PHACTR1: variants seen among roughly 807,000 people sequenced by gnomAD.
PHACTR1 encodes the protein RPEL repeat containing 1.
Under a neutral mutation model 69.2 loss-of-function variants are expected in PHACTR1, and 16 were observed. That is an observed-to-expected ratio of 0.23 (90% confidence interval 0.16 to 0.35). PHACTR1 has a LOEUF of 0.35. Ranked by LOEUF, PHACTR1 falls within the 10% of genes least tolerant of loss-of-function variation. PHACTR1 has a pLI of 1.00. For missense variants in PHACTR1, 510 were observed against 734.7 expected, an observed-to-expected ratio of 0.69 and a Z score of 3.54; for synonymous variants, 312 against 284.5, an observed-to-expected ratio of 1.10 and a Z score of -0.97.
intron 4 of PHACTR1, among the ~76,000 whole-genome samples, chr6:12,925,992 T>G (rs894204882): frequency 6.6e-6 from 1 of 152,186 alleles, no homozygotes; most frequent in Non-Finnish European, 1.5e-5. Flanking sequence ...TCTCTGAAAA[T>G]AGTCTATATT....
Position 13,283,201 on chromosome 6 carries a change from C to A in PHACTR1, c.1510-221C>A. On this transcript the variant is annotated intron_variant, in intron 12 of 14. Transcript: ENST00000332995. The surrounding 1 kb of genome is among the most constrained non-coding windows in gnomAD (Gnocchi z 4.7). Reference sequence around the variant, plus strand: ...GGCCTAGAGGGTATGTAAGGGATAACAAAGCTCTCTCTTAGGACCTAGAAA... The same window carrying A: ...GGCCTAGAGGGTATGTAAGGGATAAAAAAGCTCTCTCTTAGGACCTAGAAA... 2.0e-6 allele frequency: 1 copy of A among 490,922 alleles called. No individual in the cohort carries two copies. The highest frequency in any genetic ancestry group is 5.6e-4 in the Middle Eastern group (1 of 1,790). The allele number at this position is 490,922 out of a possible 1,614,324, so 30.4% of individuals were successfully genotyped here. A position where few individuals can be genotyped will look rare whatever the true frequency, so the allele number is the denominator to read the frequency against.
chr6:12,915,508 AAAAAAAAAAAAAG>A (rs1224338048), intron 4 of PHACTR1, among the ~76,000 whole-genome samples: 5 of 146,762 alleles, frequency 3.4e-5, no homozygotes, highest in Admixed American at 2.0e-4. Context: ...CTCTCTCTCA[AAAAAAAAAAAAAG>A]AAAAAAAAAA....
chr6:13,159,957 C>G (rs1193944846), intron 5 of PHACTR1, among the ~76,000 whole-genome samples: 1 of 151,882 alleles, frequency 6.6e-6, no homozygotes, highest in East Asian at 1.9e-4. Context: ...AAAAAGAATG[C>G]CTACCCTGTC....
chr6:12,815,278 T>C (rs538026077), intron 4 of PHACTR1, among the ~76,000 whole-genome samples: 29 of 152,316 alleles, frequency 1.9e-4, no homozygotes, highest in African/African-American at 6.7e-4. Flanking sequence ...TGTATTTCTT[T>C]TCCCTGTATT....
intron 4 of PHACTR1, among the ~76,000 whole-genome samples, chr6:12,963,463 A>C (rs1309313339): frequency 3.3e-5 from 5 of 152,204 alleles, no homozygotes; most frequent in East Asian, 1.9e-4. Flanking sequence ...TTAAAAAAAA[A>C]AAACAAACCA....
intron 5 of PHACTR1, among the ~76,000 whole-genome samples, chr6:13,154,189 G>C (rs1165316719): frequency 6.6e-6 from 1 of 152,046 alleles, no homozygotes; most frequent in Non-Finnish European, 1.5e-5. Context: ...TTTTGAGATG[G>C]AGTCTCACTC....
intron 4 of PHACTR1, among the ~76,000 whole-genome samples, chr6:13,013,080 G>T (rs973300693): frequency 6.6e-6 from 1 of 152,156 alleles, no homozygotes; most frequent in Non-Finnish European, 1.5e-5. Flanking sequence ...TTAAAGAAAA[G>T]ACCCTGTTCT....
intron 4 of PHACTR1, among the ~76,000 whole-genome samples, chr6:12,814,126 C>T (rs1214045630): frequency 1.3e-5 from 2 of 152,178 alleles, no homozygotes; most frequent in Non-Finnish European, 2.9e-5. Flanking sequence ...TCTCTCATGT[C>T]CCCTAAGGAA....
intron 4 of PHACTR1, among the ~76,000 whole-genome samples, chr6:12,858,173 A>T (rs549682641): frequency 6.6e-6 from 1 of 152,108 alleles, no homozygotes; most frequent in African/African-American, 2.4e-5. Flanking sequence ...CCTTTAAGGG[A>T]CCTCACGAGG....
At chr6:12,999,355 T>G (rs956587198) in intron 4 of PHACTR1, among the ~76,000 whole-genome samples, 1 of 152,154 alleles carries the variant, frequency 6.6e-6, no homozygotes, top group Non-Finnish European at 1.5e-5. Context: ...ATCCCAGCAC[T>G]TTGGGAGGCC....
chr6:13,007,803 C>T (rs751614983), intron 4 of PHACTR1, among the ~76,000 whole-genome samples: 14 of 151,916 alleles, frequency 9.2e-5, no homozygotes, highest in Non-Finnish European at 1.8e-4. Context: ...AGTTCTCCTT[C>T]AATCACCTCT....
At chr6:13,184,131 C>T (rs1034927720) in intron 7 of PHACTR1, among the ~76,000 whole-genome samples, 1 of 152,228 alleles carries the variant, frequency 6.6e-6, no homozygotes, top group Non-Finnish European at 1.5e-5. Flanking sequence ...GTTGCTAAAA[C>T]TACAGAATTT....
At chr6:12,906,252 G>A (rs1245536387) in intron 4 of PHACTR1, among the ~76,000 whole-genome samples, 6 of 152,172 alleles carry the variant, frequency 3.9e-5, no homozygotes, top group South Asian at 2.1e-4. Flanking sequence ...AGGGATTTGG[G>A]AGGGATATCA....
At chr6:13,052,978 T>C (rs1037167592) in intron 4 of PHACTR1, among the ~76,000 whole-genome samples, 5 of 152,220 alleles carry the variant, frequency 3.3e-5, no homozygotes, top group Non-Finnish European at 7.3e-5. Context: ...GACAGTGCTG[T>C]AGTGATTGCG....
intron 7 of PHACTR1, among the ~76,000 whole-genome samples, chr6:13,200,943 C>CAA (rs772620697): frequency 5.5e-5 from 5 of 90,732 alleles, no homozygotes; most frequent in South Asian, 3.6e-4. Context: ...AACTCTGTCT[C>CAA]AAAAAAAAAA....
At chr6:12,845,376 C>G (rs1471346486) in intron 4 of PHACTR1, among the ~76,000 whole-genome samples, 1 of 133,074 alleles carries the variant, frequency 7.5e-6, no homozygotes, top group Non-Finnish European at 1.5e-5. Context: ...CTTGCTCATT[C>G]TTTTGCAGAG....
At chr6:13,006,551 T>C (rs1371402454) in intron 4 of PHACTR1, among the ~76,000 whole-genome samples, 1 of 152,112 alleles carries the variant, frequency 6.6e-6, no homozygotes, top group Admixed American at 6.6e-5. Context: ...GTATGATATT[T>C]AAATAAGGTG....
At chr6:12,933,594 G>C (rs748248346) in intron 4 of PHACTR1, 1 of 1,607,264 alleles carries the variant, frequency 6.2e-7, no homozygotes, top group Admixed American at 1.7e-5. Flanking sequence ...TCTGACCTGG[G>C]CTCACACCTT....
chr6:12,754,824 G>A (rs376385428), intron 4 of PHACTR1, among the ~76,000 whole-genome samples: 31 of 152,282 alleles, frequency 2.0e-4, no homozygotes, highest in African/African-American at 3.4e-4. Flanking sequence ...AACTATTTAC[G>A]TAGCATTTAC....
Sources: allele counts gnomAD v4.1 joint callset (sites outside exome capture counted in the v4.1 genomes callset), GRCh38; gene constraint gnomAD v4.1.1; non-coding constraint Gnocchi (gnomAD v3.1); transcripts MANE v1.5; gene names NCBI Gene and HGNC (gene_info 2026-07-23, HGNC 2026-07-21).